Variants in BDKRB2 observed in about 807,000 individuals in gnomAD.
BDKRB2 encodes the protein B2 bradykinin receptor.
Under a neutral mutation model 4.0 loss-of-function variants are expected in BDKRB2, and 6 were observed. The ratio of observed to expected loss-of-function variants is 1.49; its 90% confidence interval spans 0.81 to 2.93. The LOEUF is 2.93. Ranked by LOEUF, BDKRB2 falls within the 30% of genes most tolerant of loss-of-function variation. The pLI is 0.00. For missense variants in BDKRB2, 478 were observed against 520.1 expected (o/e 0.92, Z 0.79); for synonymous variants, 225 against 215.3 (o/e 1.05, Z -0.40).
In BDKRB2 at chr14:96,240,568, C is replaced by T. The variant is rs138412908; in HGVS notation, c.240C>T (p.Ser80=). 88 of 1,566,482 alleles carry T rather than the reference C, an allele frequency of 5.6e-5. No individual in the cohort carries two copies. Among genetic ancestry groups the T allele is most frequent in the Non-Finnish European group, 7.3e-5 (84 of 1,158,322 alleles). ...CCCTAGAGAACATCTTTGTCCTCAG[C>T]GTCTTCTGCCTGCACAAGAGCAGCT... The part of the protein sequence containing the change: ...LATLENIFVL[S]VFCLHKSSCT... The change falls in exon 3 of 3, where the codon AGC becomes AGT. Residue 80 remains serine (S), a synonymous_variant. Transcript: ENST00000554311.
intron 1 of BDKRB2, chr14:96,234,022 C>T (rs1038693647): frequency 2.6e-5 from 4 of 152,144 alleles, no homozygotes; most frequent in African/African-American, 7.2e-5. Context: ...GCTCTGTAGA[C>T]AAGGAAACTG....
intron 2 of BDKRB2, chr14:96,238,106 G>C (rs985752813): frequency 1.9e-6 from 2 of 1,031,562 alleles, no homozygotes; most frequent in Non-Finnish European, 2.3e-6. Context: ...TCAGAGCCCA[G>C]TAGAGACAGC....
chr14:96,205,452 C>T (rs1267962921), intron 1 of BDKRB2, among the ~76,000 whole-genome samples: 1 of 150,658 alleles, frequency 6.6e-6, no homozygotes, highest in Admixed American at 6.6e-5. Context: ...CTCGCTGGCT[C>T]CCTGGGGGTG....
chr14:96,223,423 T>G lies in BDKRB2; in HGVS notation c.-39-13646T>G, dbSNP rs1595254555. 4.2e-6 allele frequency: 3 copies of G among 710,864 alleles called. No homozygotes were observed. The East Asian group carries it at 7.9e-5, about 19-fold the overall frequency. The allele number at this position is 710,864 out of a possible 1,614,324, so 44.0% of individuals were successfully genotyped here. On this transcript the variant is annotated intron_variant, in intron 1 of 2. Coordinates refer to ENST00000554311, the MANE Select transcript of BDKRB2 (RefSeq NM_001379692.1). ...CCTAACATCTTTCTGATAACATTAT[T>G]ATGTTGCCTTCTTGTTTCTCACTTT...
chr14:96,221,252 A>G (rs1324993273), intron 1 of BDKRB2, among the ~76,000 whole-genome samples: 1 of 152,172 alleles, frequency 6.6e-6, no homozygotes, highest in Non-Finnish European at 1.5e-5. Flanking sequence ...AACTGAAGCT[A>G]TTATTATTCC....
chr14:96,232,731 C>T (rs1183595116), intron 1 of BDKRB2, among the ~76,000 whole-genome samples: 1 of 152,174 alleles, frequency 6.6e-6, no homozygotes, highest in East Asian at 1.9e-4. Context: ...CACGCTGAGA[C>T]GTTCTTGTTG....
intron 1 of BDKRB2, chr14:96,214,872 AG>A (rs1449980500): frequency 6.6e-6 from 1 of 152,254 alleles, no homozygotes; most frequent in East Asian, 1.9e-4. Context: ...GGGCGGGGAC[AG>A]GCAATCCATA....
intron 1 of BDKRB2, among the ~76,000 whole-genome samples, chr14:96,212,727 GGT>G (rs1163244277): frequency 6.6e-6 from 1 of 152,260 alleles, no homozygotes; most frequent in African/African-American, 2.4e-5. Flanking sequence ...GATTTGCCTG[GGT>G]AGGAGTTTCC....
intron 2 of BDKRB2, chr14:96,238,752 C>A: frequency 1.0e-6 from 1 of 985,710 alleles, no homozygotes; most frequent in Non-Finnish European, 1.2e-6. Context: ...CTTCAAGACC[C>A]AGCTCTAGAG....
chr14:96,239,394 G>T, intron 2 of BDKRB2: 1 of 985,418 alleles, frequency 1.0e-6, no homozygotes, highest in Non-Finnish European at 1.2e-6. Context: ...TGGAACTCAT[G>T]GCTGTCCAAG....
intron 1 of BDKRB2, among the ~76,000 whole-genome samples, chr14:96,226,307 G>A (rs568319596): frequency 4.6e-5 from 7 of 152,264 alleles, no homozygotes; most frequent in Admixed American, 6.5e-5. Flanking sequence ...GACAATGTTA[G>A]CACACTGCTG....
intron 1 of BDKRB2, among the ~76,000 whole-genome samples, chr14:96,218,603 A>G (rs1046177857): frequency 6.6e-6 from 1 of 152,160 alleles, no homozygotes; most frequent in African/African-American, 2.4e-5. Flanking sequence ...GGGTTTCCCC[A>G]TCTGCAAAAT....
intron 1 of BDKRB2, among the ~76,000 whole-genome samples, chr14:96,229,865 A>C (rs2139787928): frequency 6.6e-6 from 1 of 152,314 alleles, no homozygotes; most frequent in South Asian, 2.1e-4. Context: ...TTGGTGGCTC[A>C]CGCCTGTAAT....
chr14:96,211,583 G>A (rs1399476739), intron 1 of BDKRB2, among the ~76,000 whole-genome samples: 1 of 152,160 alleles, frequency 6.6e-6, no homozygotes, highest in Non-Finnish European at 1.5e-5. Context: ...GTGAAAACCT[G>A]GGGGGACTCC....
chr14:96,240,429 A>G lies in BDKRB2; in HGVS notation c.101A>G (p.Gln34Arg), dbSNP rs755933062. Residue 34 changes from glutamine (Q) to arginine (R), a missense_variant, in exon 3 of 3, where the codon CAA becomes CGA. By Grantham distance (43) the Gln-to-Arg change is conservative. Coordinates refer to ENST00000554311, the MANE Select transcript of BDKRB2 (RefSeq NM_001379692.1). The stretch of plus-strand genomic sequence containing the variant: ...GCCGACATGCTCAATGTCACCTTGC[A>G]AGGGCCCACTCTTAACGGGACCTTT... The part of the protein sequence containing the change: ...FSADMLNVTL[Q>R]GPTLNGTFAQ... 4 of 1,467,796 alleles carry G rather than the reference A, an allele frequency of 2.7e-6. No homozygotes were observed. The Admixed American group carries it at 7.7e-5, about 28-fold the overall frequency. 90.9% of individuals were successfully genotyped at this position (1,467,796 alleles called of 1,614,324 possible).
chr14:96,236,830 A>G (rs556358966), intron 1 of BDKRB2, among the ~76,000 whole-genome samples: 157 of 152,130 alleles, frequency 1.0e-3, no homozygotes, highest in African/African-American at 3.7e-3. Flanking sequence ...CTTTTGCTTG[A>G]TTTTTCACTG....
chr14:96,216,488 G>A (rs1427138644), intron 1 of BDKRB2, among the ~76,000 whole-genome samples: 1 of 151,926 alleles, frequency 6.6e-6, no homozygotes, highest in Non-Finnish European at 1.5e-5. Context: ...GTGAGCTGTG[G>A]TGGCAGGAGC....
intron 1 of BDKRB2, among the ~76,000 whole-genome samples, chr14:96,205,763 G>A (rs1279019043): frequency 6.6e-6 from 1 of 152,244 alleles, no homozygotes; most frequent in East Asian, 1.9e-4. Flanking sequence ...TGCAAAGATA[G>A]AGGTAGGCTC....
Position 96,229,258 on chromosome 14 carries a change from A to T in BDKRB2, c.-39-7811A>T, listed in dbSNP as rs909159539. ...AGGAGGCAGGTAGAGGTGGAAGAGA[A>T]CCTTCTGCTTGCAGGGGGATATCAG... On this transcript the variant is annotated intron_variant, in intron 1 of 2. Transcript: ENST00000554311. 4.6e-5 allele frequency among the ~76,000 whole-genome samples: 7 copies of T among 152,146 alleles called. No homozygotes were observed. In the East Asian group the frequency reaches 1.2e-3, roughly 25 times the overall value.
Sources: gnomAD v4.1 joint callset for allele counts (sites outside exome capture counted in the v4.1 genomes callset) on GRCh38, gnomAD v4.1.1 for gene constraint, MANE v1.5 for transcripts, NCBI Gene and HGNC (gene_info 2026-07-23, HGNC 2026-07-21) for gene names.